Variants in PTPRG observed in about 807,000 individuals in gnomAD.
PTPRG encodes receptor-type tyrosine-protein phosphatase gamma.
Under a neutral mutation model 165.3 loss-of-function variants are expected in PTPRG, and 102 were observed. That is an observed-to-expected ratio of 0.62 (90% confidence interval 0.53 to 0.73). PTPRG has a LOEUF of 0.73. PTPRG is among the 30% of genes least tolerant of loss of function. PTPRG has a pLI of 0.00. For synonymous variants in PTPRG, 675 were observed against 669.5 expected (o/e 1.01, Z -0.13); for missense variants, 1,866 against 1,861.4 (o/e 1.00, Z -0.05).
intron 2 of PTPRG, among the ~76,000 whole-genome samples, chr3:61,795,910 C>G (rs533699742): frequency 1.3e-5 from 2 of 152,190 alleles, no homozygotes; most frequent in Admixed American, 6.5e-5. Context: ...TGCATCACTA[C>G]CTTTGCCTTA....
In PTPRG at chr3:62,037,781, T is replaced by G. The variant is rs1170225907; in HGVS notation, c.519+34284T>G. 8.5e-5 allele frequency among the ~76,000 whole-genome samples: 13 copies of G among 152,302 alleles called. No individual in the cohort carries two copies. The East Asian group carries it at 2.1e-3, about 25-fold the overall frequency. ...AGGTCAAAATGCAGGCAAGGTTTCA[T>G]TAGGTCTCGCCTCTTATTTGTGCAT... On this transcript the variant is annotated intron_variant, in intron 4 of 29. Transcript: ENST00000474889.
intron 2 of PTPRG, 144 bp downstream of exon 2, chr3:61,749,126 G>A (rs537872988): frequency 2.6e-6 from 2 of 767,776 alleles, no homozygotes; most frequent in South Asian, 1.5e-5. Flanking sequence ...AAATATTCGA[G>A]CCTGTTTTTC....
chr3:61,994,897 G>A (rs2040982745), intron 3 of PTPRG, among the ~76,000 whole-genome samples: 1 of 152,104 alleles, frequency 6.6e-6, no homozygotes, highest in South Asian at 2.1e-4. Context: ...CAAGTATCTG[G>A]AGTTGAAAGA....
At chr3:61,563,752 C>A (rs1699830941) in intron 1 of PTPRG, among the ~76,000 whole-genome samples, 1 of 152,182 alleles carries the variant, frequency 6.6e-6, no homozygotes. Flanking sequence ...TGCAGCGGGT[C>A]CCTTAGTCCC....
intron 4 of PTPRG, among the ~76,000 whole-genome samples, chr3:62,040,664 A>G (rs1441565078): frequency 3.3e-5 from 1 of 30,392 alleles, no homozygotes; most frequent in Non-Finnish European, 1.1e-4. Flanking sequence ...CATGTTGGCC[A>G]GGATGTTGAC....
chr3:61,744,576 G>A (rs776789612), intron 1 of PTPRG, among the ~76,000 whole-genome samples: 1 of 152,130 alleles, frequency 6.6e-6, no homozygotes, highest in African/African-American at 2.4e-5. Flanking sequence ...CATGGGACCA[G>A]CATCATATAT....
At chr3:62,048,154 G>C (rs1430755207) in intron 4 of PTPRG, among the ~76,000 whole-genome samples, 1 of 151,846 alleles carries the variant, frequency 6.6e-6, no homozygotes, top group Non-Finnish European at 1.5e-5. Flanking sequence ...AAGAGAGGAT[G>C]AATTTTGTAC....
intron 4 of PTPRG, among the ~76,000 whole-genome samples, chr3:62,034,775 C>G (rs550948417): frequency 6.6e-6 from 1 of 152,288 alleles, no homozygotes; most frequent in South Asian, 2.1e-4. Flanking sequence ...TAAATAAAAT[C>G]AAAGCCATGG....
At chr3:62,172,992 T>C (rs1705275517) in intron 8 of PTPRG, among the ~76,000 whole-genome samples, 1 of 152,238 alleles carries the variant, frequency 6.6e-6, no homozygotes, top group African/African-American at 2.4e-5. Context: ...GTTGGCCATA[T>C]GGTCTCTGTT....
chr3:61,802,022 C>A (rs191429295), intron 2 of PTPRG, among the ~76,000 whole-genome samples: 13 of 117,700 alleles, frequency 1.1e-4, no homozygotes, highest in African/African-American at 4.6e-4. Flanking sequence ...AAGACTCCAT[C>A]TCAAAAAAAA....
chr3:61,790,068 G>T (rs746573823), intron 2 of PTPRG, among the ~76,000 whole-genome samples: 12 of 152,310 alleles, frequency 7.9e-5, no homozygotes, highest in Admixed American at 2.0e-4. Context: ...TCCCTGTGTT[G>T]CAGAGTTCAC....
intron 2 of PTPRG, among the ~76,000 whole-genome samples, chr3:61,892,796 A>G (rs1379528215): frequency 6.6e-6 from 1 of 151,936 alleles, no homozygotes; most frequent in Non-Finnish European, 1.5e-5. Context: ...AGCCTGAGCA[A>G]CAAGAGCAAA....
chr3:61,671,138 CTTT>C (rs11356444), intron 1 of PTPRG, among the ~76,000 whole-genome samples: 16 of 124,966 alleles, frequency 1.3e-4, no homozygotes, highest in African/African-American at 2.1e-4. Flanking sequence ...TATGAACTTT[CTTT>C]TTTTTTTTTT....
chr3:62,099,894 G>A (rs1239684669), intron 5 of PTPRG, among the ~76,000 whole-genome samples: 4 of 147,102 alleles, frequency 2.7e-5, no homozygotes, highest in Non-Finnish European at 5.9e-5. Flanking sequence ...CGCCTCCCAG[G>A]TTCAAGCGAT....
intron 1 of PTPRG, among the ~76,000 whole-genome samples, chr3:61,646,027 C>A (rs1391104159): frequency 6.6e-6 from 1 of 152,212 alleles, no homozygotes; most frequent in Non-Finnish European, 1.5e-5. Flanking sequence ...TATACAGACA[C>A]AAATAAGGAC....
At chr3:62,239,349 C>CTTTTTTT (rs1168589653) in intron 14 of PTPRG, among the ~76,000 whole-genome samples, 1 of 144,104 alleles carries the variant, frequency 6.9e-6, no homozygotes, top group African/African-American at 2.6e-5. Flanking sequence ...TTCTTTCTTT[C>CTTTTTTT]TTTTTTCTTT....
intron 1 of PTPRG, chr3:61,742,401 GA>G (rs2033026578): frequency 1.2e-6 from 1 of 813,792 alleles, no homozygotes; most frequent in African/African-American, 2.1e-5. Flanking sequence ...TTTGGGTCTG[GA>G]ATTTTTTTTT....
intron 1 of PTPRG, among the ~76,000 whole-genome samples, chr3:61,651,839 G>A (rs9874737): frequency 0.77 from 116,796 of 151,858 alleles, 46,085 homozygotes; most frequent in South Asian, 0.9. Flanking sequence ...GCGAAACCCC[G>A]TCTCTACTAA....
At chr3:61,992,927 A>G (rs1473500580) in intron 3 of PTPRG, among the ~76,000 whole-genome samples, 1 of 152,122 alleles carries the variant, frequency 6.6e-6, no homozygotes, top group Non-Finnish European at 1.5e-5. Flanking sequence ...TCAGCCTCCC[A>G]AAATGCTAGG....
Sources: allele counts gnomAD v4.1 joint callset (sites outside exome capture counted in the v4.1 genomes callset), GRCh38; gene constraint gnomAD v4.1.1; transcripts MANE v1.5; gene names NCBI Gene and HGNC (gene_info 2026-07-23, HGNC 2026-07-21).